The following ATP8A2 variants were observed in gnomAD, a reference collection of about 807,000 sequenced individuals.
ATP8A2 encodes the protein phospholipid-transporting ATPase IB.
In ATP8A2, 100 loss-of-function variants were observed where a neutral mutation model predicts 165.6. The ratio of observed to expected loss-of-function variants is 0.60; its 90% CI spans 0.51 to 0.71. The LOEUF (loss-of-function observed/expected upper bound fraction) is 0.71. Among genes scored for constraint, ATP8A2 ranks in the 30% least tolerant of loss-of-function variants. ATP8A2 has a pLI of 0.00. For synonymous variants in ATP8A2, 543 were observed against 548.8 expected (o/e 0.99, Z 0.15); for missense variants, 1,227 against 1,479.5 (o/e 0.83, Z 2.80).
intron 1 of ATP8A2, among the ~76,000 whole-genome samples, chr13:25,451,664 A>G (rs1205493483): frequency 6.6e-6 from 1 of 152,034 alleles, no homozygotes; most frequent in African/African-American, 2.4e-5. Flanking sequence ...TAGGTTCACT[A>G]CAGTACAGGT....
chr13:25,897,194 G>A (rs1190478957), intron 33 of ATP8A2, among the ~76,000 whole-genome samples: 1 of 152,164 alleles, frequency 6.6e-6, no homozygotes, highest in East Asian at 1.9e-4. Context: ...TCTATGTTTA[G>A]TGCTTCCTTC....
intron 1 of ATP8A2, among the ~76,000 whole-genome samples, chr13:25,373,545 C>A (rs1353664507): frequency 6.6e-6 from 1 of 152,066 alleles, no homozygotes; most frequent in Non-Finnish European, 1.5e-5. Flanking sequence ...CCTGAGGAGA[C>A]CTGGGGACAC....
intron 24 of ATP8A2, among the ~76,000 whole-genome samples, chr13:25,697,152 C>T (rs1248841153): frequency 1.3e-5 from 2 of 152,130 alleles, no homozygotes; most frequent in Non-Finnish European, 2.9e-5. Context: ...TAAAGTGAAG[C>T]ACAATAAAAT....
At chr13:25,774,382 G>T (rs2044693571) in intron 26 of ATP8A2, among the ~76,000 whole-genome samples, 1 of 152,054 alleles carries the variant, frequency 6.6e-6, no homozygotes, top group South Asian at 2.1e-4. Flanking sequence ...ACACAGGGAG[G>T]GGAACACCAC....
chr13:25,494,123 A>G (rs982799621), intron 2 of ATP8A2, among the ~76,000 whole-genome samples: 1 of 152,030 alleles, frequency 6.6e-6, no homozygotes, highest in Non-Finnish European at 1.5e-5. Context: ...AGGATGGTGC[A>G]TGGGGCAGGG....
intron 1 of ATP8A2, among the ~76,000 whole-genome samples, chr13:25,420,593 T>C (rs1286770372): frequency 6.6e-6 from 1 of 152,246 alleles, no homozygotes; most frequent in South Asian, 2.1e-4. Context: ...CAATAGCTAA[T>C]GCATGCAGGG....
At chr13:25,405,596 G>A (rs2033777017) in intron 1 of ATP8A2, among the ~76,000 whole-genome samples, 1 of 152,150 alleles carries the variant, frequency 6.6e-6, no homozygotes, top group African/African-American at 2.4e-5. Context: ...TCCCTGGGCA[G>A]CCAGGTACTG....
chr13:25,442,046 T>C (rs1045070494), intron 1 of ATP8A2, among the ~76,000 whole-genome samples: 5 of 152,236 alleles, frequency 3.3e-5, no homozygotes, highest in African/African-American at 1.2e-4. Context: ...GCTTCATCCA[T>C]GTGGAAGCAC....
chr13:25,613,740 T>C (rs955179054), intron 24 of ATP8A2, among the ~76,000 whole-genome samples: 1 of 152,208 alleles, frequency 6.6e-6, no homozygotes, highest in African/African-American at 2.4e-5. Flanking sequence ...ATAATTGTCT[T>C]GTTTAAGGAG....
chr13:25,931,449 T>A (rs549902156), intron 33 of ATP8A2, among the ~76,000 whole-genome samples: 4 of 152,230 alleles, frequency 2.6e-5, no homozygotes, highest in African/African-American at 9.6e-5. Context: ...ATGGCTCCTG[T>A]CCTATGCTAA....
At chr13:25,933,715 C>T (rs747620569) in intron 33 of ATP8A2, among the ~76,000 whole-genome samples, 3 of 152,190 alleles carry the variant, frequency 2.0e-5, no homozygotes, top group African/African-American at 4.8e-5. Flanking sequence ...TCAAAGGCCA[C>T]GTGACAGATA....
chr13:25,575,300 C>A (rs531818230), intron 19 of ATP8A2, among the ~76,000 whole-genome samples: 1 of 152,334 alleles, frequency 6.6e-6, no homozygotes, highest in Non-Finnish European at 1.5e-5. Flanking sequence ...CCATTAGAGG[C>A]TGGGTCCACG....
At chr13:25,421,227 T>C (rs1477844526) in intron 1 of ATP8A2, among the ~76,000 whole-genome samples, 1 of 152,218 alleles carries the variant, frequency 6.6e-6, no homozygotes, top group African/African-American at 2.4e-5. Context: ...TAGGAGTACA[T>C]TTTGTTTTCT....
intron 24 of ATP8A2, among the ~76,000 whole-genome samples, chr13:25,601,674 A>G (rs920930429): frequency 1.3e-5 from 2 of 152,184 alleles, no homozygotes; most frequent in Non-Finnish European, 2.9e-5. Context: ...GGGTTTCACC[A>G]TGTTGGCCAG....
At chr13:25,824,878 C>T (rs995457776) in intron 27 of ATP8A2, among the ~76,000 whole-genome samples, 97 of 152,146 alleles carry the variant, frequency 6.4e-4, no homozygotes, top group African/African-American at 2.3e-3. Flanking sequence ...GTGTTGAATC[C>T]ATCCAGGATT....
chr13:25,734,939 G>A (rs867244622), intron 25 of ATP8A2, among the ~76,000 whole-genome samples: 22 of 152,166 alleles, frequency 1.4e-4, no homozygotes, highest in Admixed American at 1.1e-3. Flanking sequence ...ATGCCTGGCC[G>A]TGATAAGGTG....
At chr13:25,675,892 T>G (rs1261302268) in intron 24 of ATP8A2, among the ~76,000 whole-genome samples, 1 of 152,166 alleles carries the variant, frequency 6.6e-6, no homozygotes, top group African/African-American at 2.4e-5. Context: ...TTGATTCATG[T>G]TATAGAAACC....
At chr13:25,445,901 ACCTCCTTC>A (rs1285235444) in intron 1 of ATP8A2, among the ~76,000 whole-genome samples, 1 of 151,866 alleles carries the variant, frequency 6.6e-6, no homozygotes, top group Non-Finnish European at 1.5e-5. Flanking sequence ...TTGAAGGCTG[ACCTCCTTC>A]CCAGCGCTAC....
chr13:25,962,752 G>A (rs1955686458), intron 34 of ATP8A2, among the ~76,000 whole-genome samples: 1 of 152,202 alleles, frequency 6.6e-6, no homozygotes, highest in East Asian at 1.9e-4. Context: ...TTCATTTTTA[G>A]CCCTCCGTTC....
Sources: gnomAD v4.1 joint callset for allele counts (sites outside exome capture counted in the v4.1 genomes callset) on GRCh38, gnomAD v4.1.1 for gene constraint, MANE v1.5 for transcripts, NCBI Gene and HGNC (gene_info 2026-07-23, HGNC 2026-07-21) for gene names.